TAX1BP3: variants seen among roughly 807,000 people sequenced by gnomAD.
TAX1BP3 encodes the protein tax1-binding protein 3.
TAX1BP3 carries 13 observed loss-of-function variants against 15.3 expected under a neutral mutation model. The observed-to-expected ratio is 0.85, with a 90% CI of 0.55 to 1.35. TAX1BP3 has a LOEUF of 1.35. TAX1BP3 is among the 40% of genes most tolerant of loss of function. The pLI is 0.00. For synonymous variants in TAX1BP3, 70 were observed against 66.0 expected, an observed-to-expected ratio of 1.06 and a Z score of -0.30; for missense variants, 147 against 169.6, an observed-to-expected ratio of 0.87 and a Z score of 0.74.
At position 3,664,803 on chromosome 17, in the gene TAX1BP3, CAAAG is replaced by C; in HGVS notation, c.40-9_40-6del. 6.2e-7 allele frequency: 1 copy of C among 1,609,726 alleles called. No individual in the cohort carries two copies. The highest frequency in any genetic ancestry group is 1.3e-5 in the African/African-American group (1 of 74,718). On this transcript the variant is annotated splice_polypyrimidine_tract_variant and splice_region_variant and intron_variant, in intron 1 of 3. Transcript: ENST00000225525. Reference sequence around the variant, plus strand: ...CTTGTGAATTTCAACTCTTTGCTGGCAAAGAAAAAAGCCAGTTGAGAGAAGTGGG... The same window carrying C: ...CTTGTGAATTTCAACTCTTTGCTGGCAAAAAAGCCAGTTGAGAGAAGTGGG...
chr17:3,665,830 G>A (rs752411864), intron 1 of TAX1BP3: 16 of 617,856 alleles, frequency 2.6e-5, no homozygotes, highest in Admixed American at 5.8e-5. Context: ...ATACGTGTTC[G>A]TGAGACTGGA....
At chr17:3,665,743 A>AC in intron 1 of TAX1BP3, 1 of 216,692 alleles carries the variant, frequency 4.6e-6, no homozygotes, top group Non-Finnish European at 8.1e-6. Context: ...TCTGGGCTCC[A>AC]AAAAAAAAAA....
rs895085366 is a variant in TAX1BP3, at chr17:3,664,703, G to A, written c.135C>T (p.Pro45=). The change falls in exon 2 of 4, where the codon CCC becomes CCT. Residue 45 remains proline, a synonymous_variant. Transcript: ENST00000225525. ...CCTTGTCCGTCTTGTCTTCAGAGAA[G>A]GGATTCTGGGAAGGATCCTGGTCGA... ...GGIDQDPSQN[P]FSEDKTDKGI... The A allele has an allele frequency of 6.2e-7, 1 of 1,613,824 alleles. No homozygotes were observed. The highest frequency in any genetic ancestry group is 8.5e-7 in the Non-Finnish European group (1 of 1,179,912).
At chr17:3,667,935 G>A (rs2076358810) in intron 1 of TAX1BP3, among the ~76,000 whole-genome samples, 1 of 152,256 alleles carries the variant, frequency 6.6e-6, no homozygotes, top group South Asian at 2.1e-4. Context: ...AAAGTTCGAA[G>A]AGGAAACGCT....
rs903624049 is a variant in TAX1BP3 at position 3,668,390 on chromosome 17, G to A, written c.39+98C>T. 2 of 1,463,262 alleles carry A rather than the reference G, an allele frequency of 1.4e-6. No homozygotes were observed. Among genetic ancestry groups the A allele is most frequent in the East Asian group, 2.5e-5 (1 of 40,046 alleles). The allele number at this position is 1,463,262 out of a possible 1,614,324, so 90.6% of individuals were successfully genotyped here. ...CTTGCCGCCGGTTCGCAGGAGCCCC[G>A]GGTTCGATGCTCTGTCAACCTGCTT... On this transcript the variant is annotated intron_variant, in intron 1 of 3. Transcript: ENST00000225525. The surrounding 1 kb of genome is among the most constrained non-coding windows in gnomAD (Gnocchi z 4.1).
Position 3,668,520 on chromosome 17 carries a change from A to C in TAX1BP3, c.7T>G (p.Tyr3Asp). The C allele has an allele frequency of 6.2e-7, 1 of 1,607,730 alleles. No homozygotes were observed. The highest frequency in any genetic ancestry group is 8.5e-7 in the Non-Finnish European group (1 of 1,178,072). Residue 3 changes from tyrosine (Y) to aspartate (D), a missense_variant, in exon 1 of 4, where the codon TAC becomes GAC. Tyr to Asp is a radical substitution (Grantham distance 160). Coordinates refer to ENST00000225525, the MANE Select transcript of TAX1BP3 (RefSeq NM_014604.4). This position sits in a 1 kb window ranked among gnomAD's most constrained non-coding sequence, Gnocchi z 4.1. ...GCGGTGACCGGCTGGCCCGGGATGT[A>C]GGACATCTCGACCCTGCTCTGGTCG... is the stretch of plus-strand genomic sequence containing the variant. MSYIPGQPVTAVV... is the reference protein window; with the variant it reads MSDIPGQPVTAVV...
At chr17:3,663,958 G>A in intron 3 of TAX1BP3, 73 bp from the exon 4 acceptor site, 1 of 1,555,950 alleles carries the variant, frequency 6.4e-7, no homozygotes, top group Non-Finnish European at 8.7e-7. Context: ...GGGCTTTGGG[G>A]GCCCAGGTCA....
In TAX1BP3 at chr17:3,664,755, A is replaced by G. The variant is rs1212904690; in HGVS notation, c.83T>C (p.Ile28Thr). ...TCCACCTCCAATGCTGAAACCCAGG[A>G]TTAAGTTCTCACCTTGACGCAGCTT... ...IHKLRQGENL[I>T]LGFSIGGGID... The change falls in exon 2 of 4, where the codon ATC (isoleucine) becomes ACC (threonine). Residue 28 changes from isoleucine (I) to threonine (T), a missense_variant. Coordinates refer to ENST00000225525, the MANE Select transcript of TAX1BP3 (RefSeq NM_014604.4). 1.2e-6 allele frequency: 2 copies of G among 1,613,752 alleles called. No homozygotes were observed. The highest frequency in any genetic ancestry group is 2.7e-5 in the African/African-American group (2 of 74,910).
chr17:3,663,704 T>C lies in TAX1BP3; in HGVS notation c.*44A>G. The C allele has an allele frequency of 3.2e-6, 5 of 1,577,678 alleles. No homozygotes were observed. The highest frequency in any genetic ancestry group is 2.6e-6 in the Non-Finnish European group (3 of 1,163,446). On this transcript the variant is annotated 3_prime_UTR_variant, in exon 4 of 4. Transcript: ENST00000225525. ...GGACAGAGTGTGGAAGTGGCGTTACTGTACAGAGAGGCGGCAGGCAGGAGT... is the reference window on the plus strand; with the variant it reads ...GGACAGAGTGTGGAAGTGGCGTTACCGTACAGAGAGGCGGCAGGCAGGAGT...
rs754753363 is a variant in TAX1BP3 at position 3,664,731 on chromosome 17, C to G, written c.107G>C (p.Gly36Ala). Residue 36 changes from glycine (G) to alanine (A), a missense_variant, in exon 2 of 4, where the codon GGA (glycine) becomes GCA (alanine). Physicochemically the swap from Gly to Ala is moderately conservative, Grantham distance 60. Transcript: ENST00000225525. The part of the protein sequence containing the change: ...NLILGFSIGG[G>A]IDQDPSQNPF... ...ATTCTGGGAAGGATCCTGGTCGATT[C>G]CACCTCCAATGCTGAAACCCAGGAT... 3.1e-6 allele frequency: 5 copies of G among 1,613,868 alleles called. No individual in the cohort carries two copies. The Admixed American group carries it at 8.3e-5, about 27-fold the overall frequency.
At position 3,664,280 on chromosome 17, in the gene TAX1BP3, G is replaced by A; in HGVS notation, c.160-8C>T. 6.2e-7 allele frequency: 1 copy of A among 1,613,912 alleles called. No homozygotes were observed. The highest frequency in any genetic ancestry group is 8.5e-7 in the Non-Finnish European group (1 of 1,180,018). Reference sequence around the variant, plus strand: ...CCGTGTGACATAAATACCCTGGAAAGGGGCAGCCCAAGTCAAGCCCTGTGG... The same window carrying A: ...CCGTGTGACATAAATACCCTGGAAAAGGGCAGCCCAAGTCAAGCCCTGTGG... On this transcript the variant is annotated splice_region_variant and splice_polypyrimidine_tract_variant and intron_variant, in intron 2 of 3. Coordinates refer to ENST00000225525, the MANE Select transcript of TAX1BP3 (RefSeq NM_014604.4).
chr17:3,663,204 C>T lies in TAX1BP3; in HGVS notation c.*544G>A, dbSNP rs1367727279. ...AGGCAAACCCTGGGGAGGCCAGCAC[C>T]CCTCGGGAGAGTGGGAGTGAACGCG... On this transcript the variant is annotated 3_prime_UTR_variant, in exon 4 of 4. Coordinates refer to ENST00000225525, the MANE Select transcript of TAX1BP3 (RefSeq NM_014604.4). The T allele has an allele frequency of 6.6e-6, 1 of 152,454 alleles. No individual in the cohort carries two copies. The allele number at this position is 152,454 out of a possible 1,614,324, so 9.4% of individuals were successfully genotyped here.
chr17:3,663,375 G>C lies in TAX1BP3; in HGVS notation c.*373C>G, dbSNP rs1310403446. The stretch of plus-strand genomic sequence containing the variant: ...AGCCGAACCCTGCAGCCAGGCAAAA[G>C]CGGGAAAGGCCTGGTTCCTCCAGCA... On this transcript the variant is annotated 3_prime_UTR_variant, in exon 4 of 4. Transcript: ENST00000225525. 5.4e-6 allele frequency: 1 copy of C among 184,470 alleles called. No individual in the cohort carries two copies. The highest frequency in any genetic ancestry group is 1.1e-5 in the Non-Finnish European group (1 of 89,556). The allele number at this position is 184,470 out of a possible 1,614,324, so 11.4% of individuals were successfully genotyped here.
intron 1 of TAX1BP3, among the ~76,000 whole-genome samples, chr17:3,666,465 C>T (rs1036376503): frequency 2.6e-5 from 4 of 152,158 alleles, no homozygotes; most frequent in African/African-American, 9.7e-5. Flanking sequence ...GCCACCGTGC[C>T]TGGCTGAACA....
intron 1 of TAX1BP3, among the ~76,000 whole-genome samples, chr17:3,667,766 G>C (rs1312069840): frequency 2.6e-5 from 4 of 152,208 alleles, no homozygotes; most frequent in Non-Finnish European, 5.9e-5. Flanking sequence ...TAACGTCCCA[G>C]CCTTCCTTCC....
Position 3,664,774 on chromosome 17 carries a change from G to A in TAX1BP3, c.64C>T (p.Arg22Cys), listed in dbSNP as rs143502151. 263 of 1,613,554 alleles carry A rather than the reference G, an allele frequency of 1.6e-4. No individual in the cohort carries two copies. Among genetic ancestry groups the A allele is most frequent in the Non-Finnish European group, 2.0e-4 (231 of 1,179,860 alleles). Residue 22 changes from arginine to cysteine, a missense_variant, in exon 2 of 4, where the codon CGT becomes TGT. Coordinates refer to ENST00000225525, the MANE Select transcript of TAX1BP3 (RefSeq NM_014604.4). ...VVQRVEIHKL[R>C]QGENLILGFS... ...CCCAGGATTAAGTTCTCACCTTGAC[G>A]CAGCTTGTGAATTTCAACTCTTTGC...
intron 3 of TAX1BP3, 147 bp from the exon 4 acceptor site, chr17:3,664,032 C>T: frequency 2.1e-6 from 3 of 1,448,152 alleles, no homozygotes; most frequent in Non-Finnish European, 2.8e-6. Context: ...GGCTGAGACA[C>T]ACAGGAGAGA....
At position 3,664,519 on chromosome 17, in the gene TAX1BP3, C is replaced by G. The variant is rs766823960; in HGVS notation, c.159+160G>C. The G allele has an allele frequency of 5.5e-5, 62 of 1,125,068 alleles. No homozygotes were observed. In the South Asian group the frequency reaches 7.3e-4, roughly 13 times the overall value. 69.7% of individuals were successfully genotyped at this position (1,125,068 alleles called of 1,614,324 possible). Reference sequence around the variant, plus strand: ...CTGTCTGAGCAGCCCTTCCTCACCCCACCCGTCCTTATTCTCACTAGGTCA... The same window carrying G: ...CTGTCTGAGCAGCCCTTCCTCACCCGACCCGTCCTTATTCTCACTAGGTCA... On this transcript the variant is annotated intron_variant, in intron 2 of 3. Coordinates refer to ENST00000225525, the MANE Select transcript of TAX1BP3 (RefSeq NM_014604.4).
Position 3,668,573 on chromosome 17 carries a change from C to T in TAX1BP3, c.-47G>A, listed in dbSNP as rs747331594. ...CAGCGCCGCTCCGAGAAGCCGGCAG[C>T]AGAGTACCCGCGGTCGCGCCCTCGC... On this transcript the variant is annotated 5_prime_UTR_variant, in exon 1 of 4. Transcript: ENST00000225525. The surrounding 1 kb of genome is among the most constrained non-coding windows in gnomAD (Gnocchi z 4.1). 1 of 1,572,506 alleles carries T rather than the reference C, an allele frequency of 6.4e-7. No individual in the cohort carries two copies. The highest frequency in any genetic ancestry group is 1.7e-4 in the Middle Eastern group (1 of 5,898).
Sources: allele counts gnomAD v4.1 joint callset (sites outside exome capture counted in the v4.1 genomes callset), GRCh38; gene constraint gnomAD v4.1.1; non-coding constraint Gnocchi (gnomAD v3.1); transcripts MANE v1.5; gene names NCBI Gene and HGNC (gene_info 2026-07-23, HGNC 2026-07-21).